The following ST3GAL3 variants were observed in gnomAD, a reference collection of about 807,000 sequenced individuals.
ST3GAL3 encodes CMP-N-acetylneuraminate-beta-1,4-galactoside alpha-2,3-sialyltransferase.
ST3GAL3 carries 21 observed loss-of-function variants against 50.1 expected under a neutral mutation model. That is an observed-to-expected ratio of 0.42 (90% confidence interval 0.30 to 0.60). The LOEUF is 0.60. ST3GAL3 is among the 20% of genes least tolerant of loss of function. The probability of loss-of-function intolerance (pLI) is 0.19; values close to 1 mark genes in which losing one functional copy is unlikely to be tolerated. For missense variants in ST3GAL3, 353 were observed against 489.4 expected, an observed-to-expected ratio of 0.72 and a Z score of 2.63; for synonymous variants, 183 against 190.0, an observed-to-expected ratio of 0.96 and a Z score of 0.30.
intron 5 of ST3GAL3, among the ~76,000 whole-genome samples, chr1:43,857,232 T>A (rs1268522201): frequency 6.6e-6 from 1 of 152,178 alleles, no homozygotes; most frequent in Non-Finnish European, 1.5e-5. Context: ...ACCTGTTGTG[T>A]GCTATAGAAT....
At chr1:43,805,350 G>A (rs1171715482) in intron 3 of ST3GAL3, among the ~76,000 whole-genome samples, 1 of 152,162 alleles carries the variant, frequency 6.6e-6, no homozygotes, top group East Asian at 1.9e-4. Flanking sequence ...AAATCCCATC[G>A]ACAGTCTCAC....
intron 1 of ST3GAL3, among the ~76,000 whole-genome samples, chr1:43,730,500 TC>T (rs1172313618): frequency 6.6e-6 from 1 of 152,110 alleles, no homozygotes; most frequent in Non-Finnish European, 1.5e-5. Context: ...GATATATAGT[TC>T]CTTGTGTAGT....
intron 3 of ST3GAL3, among the ~76,000 whole-genome samples, chr1:43,808,419 G>A (rs1374516579): frequency 6.6e-6 from 1 of 152,038 alleles, no homozygotes; most frequent in East Asian, 1.9e-4. Context: ...TGAGCAAGGT[G>A]AGGTCTAGAC....
At chr1:43,746,380 AGTTCTAGGGCTGCATGG>A (rs1353031268) in intron 2 of ST3GAL3, among the ~76,000 whole-genome samples, 1 of 152,110 alleles carries the variant, frequency 6.6e-6, no homozygotes. Flanking sequence ...AGATGAAAAG[AGTTCTAGGGCTGCATGG>A]TGGTAATGGA....
Position 43,807,309 on chromosome 1 carries a change from G to A in ST3GAL3, c.167-7582G>A, listed in dbSNP as rs956131503. Among the ~76,000 whole-genome samples the A allele has an allele frequency of 4.6e-5, 7 of 152,026 alleles. No individual in the cohort carries two copies. In the East Asian group the frequency reaches 5.8e-4, roughly 13 times the overall value. ...CACACCCCTGTAATCCCAGCTACTC[G>A]GGAGGCTGAGGCAGGAGCATTGCTT... On this transcript the variant is annotated intron_variant, in intron 3 of 11. Transcript: ENST00000347631.
At chr1:43,729,168 C>T (rs1674488814) in intron 1 of ST3GAL3, among the ~76,000 whole-genome samples, 1 of 148,290 alleles carries the variant, frequency 6.7e-6, no homozygotes, top group African/African-American at 2.5e-5. Flanking sequence ...GGGCTCACTG[C>T]AACCTCTGCC....
At chr1:43,858,745 G>A (rs1321660028) in intron 5 of ST3GAL3, among the ~76,000 whole-genome samples, 3 of 152,154 alleles carry the variant, frequency 2.0e-5, no homozygotes, top group Non-Finnish European at 4.4e-5. Flanking sequence ...CTTCAGGACT[G>A]TGTCCTGCTT....
At chr1:43,909,305 G>C (rs1481779540) in intron 9 of ST3GAL3, among the ~76,000 whole-genome samples, 1 of 152,162 alleles carries the variant, frequency 6.6e-6, no homozygotes, top group Non-Finnish European at 1.5e-5. Flanking sequence ...TCAGACCCTT[G>C]CATCCTTTTG....
intron 5 of ST3GAL3, among the ~76,000 whole-genome samples, chr1:43,861,771 G>A (rs1352580797): frequency 6.6e-6 from 1 of 152,228 alleles, no homozygotes; most frequent in Non-Finnish European, 1.5e-5. Flanking sequence ...GCTCACGCCT[G>A]TAATCCCGGC....
At chr1:43,858,008 T>A (rs1478864658) in intron 5 of ST3GAL3, 1 of 508,832 alleles carries the variant, frequency 2.0e-6, no homozygotes, top group East Asian at 7.5e-5. Flanking sequence ...AACCAACCGA[T>A]CCCTCTTCAC....
At chr1:43,776,465 T>C (rs571155837) in intron 2 of ST3GAL3, among the ~76,000 whole-genome samples, 15 of 152,316 alleles carry the variant, frequency 9.8e-5, no homozygotes, top group African/African-American at 3.1e-4. Flanking sequence ...ATTCATCAGT[T>C]GATGAATGGA....
chr1:43,825,483 T>G (rs1227551444), intron 4 of ST3GAL3, among the ~76,000 whole-genome samples: 6 of 152,226 alleles, frequency 3.9e-5, no homozygotes, highest in Non-Finnish European at 5.9e-5. Flanking sequence ...TTATATTGAC[T>G]AATTTATCTC....
chr1:43,829,723 C>A (rs2063280721), intron 4 of ST3GAL3, among the ~76,000 whole-genome samples: 1 of 152,188 alleles, frequency 6.6e-6, no homozygotes, highest in Non-Finnish European at 1.5e-5. Flanking sequence ...AGTACCTCCT[C>A]AAGATACCCA....
rs1267241953 is a variant in ST3GAL3, at chr1:43,899,669, C to T, written c.686C>T (p.Ala229Val). 6.2e-7 allele frequency: 1 copy of T among 1,614,160 alleles called. No homozygotes were observed. Among genetic ancestry groups the T allele is most frequent in the Non-Finnish European group, 8.5e-7 (1 of 1,180,040 alleles). The change falls in exon 9 of 12, where the codon GCC (alanine) becomes GTC (valine). Residue 229 changes from alanine (A) to valine (V), a missense_variant. By Grantham distance (64) the Ala-to-Val change is moderately conservative (BLOSUM62 0). Coordinates refer to ENST00000347631, the MANE Select transcript of ST3GAL3 (RefSeq NM_006279.5). The surrounding 1 kb of genome is among the most constrained non-coding windows in gnomAD (Gnocchi z 5.4). ...GAGCGCGATTCTCTCTTTGTCCTCG[C>T]CGGCTTCAAGTGGCAGGACTTTAAG... ...QYERDSLFVL[A>V]GFKWQDFKWL...
chr1:43,917,466 A>AAT (rs1392045308), intron 9 of ST3GAL3, among the ~76,000 whole-genome samples: 14 of 90,534 alleles, frequency 1.5e-4, no homozygotes, highest in African/African-American at 5.2e-4. Context: ...TAATATATAT[A>AAT]ATATATAATA....
At position 43,812,650 on chromosome 1, in the gene ST3GAL3, A is replaced by C. The variant is rs117565249; in HGVS notation, c.167-2241A>C. On this transcript the variant is annotated intron_variant, in intron 3 of 11. Coordinates refer to ENST00000347631, the MANE Select transcript of ST3GAL3 (RefSeq NM_006279.5). ...CTAATTTTTTAAAAGTTTTTTGAAT[A>C]GATGAGGGCTCATTATGCTACCGAG... Among the ~76,000 whole-genome samples, 134 of 152,332 alleles carry C rather than the reference A, an allele frequency of 8.8e-4. 2 individuals carry two copies. In the East Asian group the frequency reaches 0.025, roughly 29 times the overall value.
chr1:43,798,074 T>G (rs1308760637), intron 3 of ST3GAL3, among the ~76,000 whole-genome samples: 4 of 152,154 alleles, frequency 2.6e-5, no homozygotes, highest in Admixed American at 2.6e-4. Flanking sequence ...CTCTCCCACT[T>G]TTTCTTCCCC....
At chr1:43,817,059 A>G (rs942911703) in intron 4 of ST3GAL3, among the ~76,000 whole-genome samples, 5 of 152,232 alleles carry the variant, frequency 3.3e-5, no homozygotes, top group African/African-American at 1.2e-4. Flanking sequence ...GTTATATTCT[A>G]TTTCTGAGGT....
intron 5 of ST3GAL3, among the ~76,000 whole-genome samples, chr1:43,864,966 A>C (rs1318023903): frequency 1.3e-5 from 2 of 151,806 alleles, no homozygotes; most frequent in Non-Finnish European, 2.9e-5. Flanking sequence ...AGGTCCTTTA[A>C]GGGATTTTTT....
Sources: gnomAD v4.1 joint callset for allele counts (sites outside exome capture counted in the v4.1 genomes callset) on GRCh38, gnomAD v4.1.1 for gene constraint, Gnocchi (gnomAD v3.1) non-coding constraint, MANE v1.5 for transcripts, NCBI Gene and HGNC (gene_info 2026-07-23, HGNC 2026-07-21) for gene names.